BZW2: variants seen among roughly 807,000 people sequenced by gnomAD.
BZW2 encodes the protein eIF5-mimic protein 1.
In BZW2, 23 loss-of-function variants were observed where a neutral mutation model predicts 53.2. The observed-to-expected ratio is 0.43, with a 90% CI of 0.31 to 0.61. The LOEUF is 0.61. Ranked by LOEUF, BZW2 falls within the 20% of genes least tolerant of loss-of-function variation. BZW2 has a pLI of 0.09. For synonymous variants in BZW2, 227 were observed against 186.4 expected (o/e 1.22, Z -1.77); for missense variants, 409 against 503.1 (o/e 0.81, Z 1.79).
At chr7:16,703,299 TG>T (rs1583759222) in intron 10 of BZW2, among the ~76,000 whole-genome samples, 1 of 152,318 alleles carries the variant, frequency 6.6e-6, no homozygotes, top group Admixed American at 6.5e-5. Flanking sequence ...ATAATAAACA[TG>T]TTTTTTTAAA....
At chr7:16,696,798 A>G (rs1783505647) in intron 8 of BZW2, 117 bp from the exon 9 acceptor site, 3 of 982,958 alleles carry the variant, frequency 3.1e-6, no homozygotes, top group Non-Finnish European at 4.6e-6. Flanking sequence ...AGGAAAGGAG[A>G]AGCTAAGCAG....
Position 16,666,310 on chromosome 7 carries a change from C to T in BZW2, c.58+809C>T, listed in dbSNP as rs147649093. Among the ~76,000 whole-genome samples the T allele has an allele frequency of 6.7e-3, 1,015 of 152,170 alleles. 15 individuals carry two copies. Among genetic ancestry groups the T allele is most frequent in the African/African-American group, 0.023 (974 of 41,508 alleles). On this transcript the variant is annotated intron_variant, in intron 2 of 11. Transcript: ENST00000258761. ...AGACAGGGTCTCAAACTCCTGGCCT[C>T]AAGCAGTCCTCCTCCCTTGGCCTCC...
intron 1 of BZW2, among the ~76,000 whole-genome samples, chr7:16,659,449 T>C (rs186931371): frequency 1.3e-5 from 2 of 152,292 alleles, no homozygotes; most frequent in Admixed American, 1.3e-4. Flanking sequence ...GCTTAGAGTG[T>C]CAATAATTTA....
At chr7:16,681,490 A>G in intron 4 of BZW2, 86 bp downstream of exon 4, 2 of 1,090,760 alleles carry the variant, frequency 1.8e-6, no homozygotes, top group Non-Finnish European at 2.7e-6. Flanking sequence ...CTTTTTAAAT[A>G]GGAATCTTAG....
At chr7:16,680,462 T>G (rs1011756655) in intron 3 of BZW2, among the ~76,000 whole-genome samples, 1 of 152,090 alleles carries the variant, frequency 6.6e-6, no homozygotes, top group East Asian at 1.9e-4. Flanking sequence ...TGAAGTACAC[T>G]ATGGTGGGAG....
At chr7:16,657,647 C>G (rs1244939494) in intron 1 of BZW2, among the ~76,000 whole-genome samples, 1 of 151,950 alleles carries the variant, frequency 6.6e-6, no homozygotes, top group African/African-American at 2.4e-5. Flanking sequence ...TCTAACTGTA[C>G]TTTTGGTTTG....
chr7:16,667,879 C>T (rs148612431), intron 2 of BZW2, among the ~76,000 whole-genome samples: 73 of 152,188 alleles, frequency 4.8e-4, no homozygotes, highest in African/African-American at 1.8e-3. Context: ...ACAAATTGTG[C>T]CCCACTACAT....
At chr7:16,690,696 A>C (rs1783274349) in intron 7 of BZW2, among the ~76,000 whole-genome samples, 1 of 152,254 alleles carries the variant, frequency 6.6e-6, no homozygotes, top group Admixed American at 6.5e-5. Context: ...AAGCTGTTGC[A>C]GAAATTAAAC....
intron 1 of BZW2, among the ~76,000 whole-genome samples, chr7:16,652,504 A>G (rs1251473497): frequency 6.6e-6 from 1 of 152,060 alleles, no homozygotes; most frequent in Non-Finnish European, 1.5e-5. Flanking sequence ...TAAATGAATG[A>G]TTCTCTGTAG....
intron 2 of BZW2, among the ~76,000 whole-genome samples, chr7:16,666,187 T>G (rs1782420530): frequency 6.6e-6 from 1 of 152,028 alleles, no homozygotes; most frequent in South Asian, 2.1e-4. Context: ...CTCAAACACC[T>G]GGGCTCAAGT....
In BZW2 at chr7:16,665,467, G is replaced by A. The variant is rs142411907; in HGVS notation, c.24G>A (p.Val8=). Residue 8 remains valine, a synonymous_variant, in exon 2 of 12, where the codon GTG becomes GTA. Transcript: ENST00000258761. ...TTATGAATAAGCATCAGAAGCCAGT[G>A]CTAACAGGCCAGCGGTTCAAAACTC... MNKHQKP[V]LTGQRFKTRK... 2 of 1,614,082 alleles carry A rather than the reference G, an allele frequency of 1.2e-6. No individual in the cohort carries two copies. The highest frequency in any genetic ancestry group is 4.5e-5 in the East Asian group (2 of 44,870).
intron 7 of BZW2, among the ~76,000 whole-genome samples, chr7:16,690,315 C>T (rs1783260960): frequency 6.6e-6 from 1 of 152,012 alleles, no homozygotes; most frequent in Non-Finnish European, 1.5e-5. Flanking sequence ...AATTCTCCTG[C>T]CTCAGCCTCC....
chr7:16,687,857 C>G (rs535856755), intron 6 of BZW2, among the ~76,000 whole-genome samples: 9 of 152,106 alleles, frequency 5.9e-5, no homozygotes, highest in Non-Finnish European at 1.2e-4. Context: ...GTTTTAGGCT[C>G]CTAGTTTCAA....
intron 2 of BZW2, among the ~76,000 whole-genome samples, chr7:16,667,279 CA>C (rs748681228): frequency 0.056 from 3,393 of 60,226 alleles, 85 homozygotes; most frequent in African/African-American, 0.16. Flanking sequence ...AGCTCCATCT[CA>C]AAAAAAAAAA....
At chr7:16,648,593 T>A (rs1410243443) in intron 1 of BZW2, among the ~76,000 whole-genome samples, 1 of 152,202 alleles carries the variant, frequency 6.6e-6, no homozygotes, top group East Asian at 1.9e-4. Flanking sequence ...TGAGCACCCA[T>A]CATTCTTTGA....
chr7:16,704,474 C>T (rs1019623795), intron 10 of BZW2, 73 bp from the exon 11 acceptor site: 68 of 1,371,494 alleles, frequency 5.0e-5, no homozygotes, highest in Non-Finnish European at 6.5e-5. Context: ...TTCTATTAAA[C>T]TGTAATACAT....
intron 1 of BZW2, among the ~76,000 whole-genome samples, chr7:16,664,183 A>G (rs1255761305): frequency 1.3e-5 from 2 of 152,252 alleles, no homozygotes; most frequent in East Asian, 3.8e-4. Context: ...ACTTTGCTCA[A>G]TATAAAAGAT....
At chr7:16,665,038 G>A (rs1192757841) in intron 1 of BZW2, among the ~76,000 whole-genome samples, 2 of 152,122 alleles carry the variant, frequency 1.3e-5, no homozygotes, top group South Asian at 2.1e-4. Context: ...TATGCCGGGC[G>A]CCGTGGCTCA....
intron 6 of BZW2, among the ~76,000 whole-genome samples, chr7:16,687,929 T>C (rs541235180): frequency 6.6e-6 from 1 of 152,314 alleles, no homozygotes; most frequent in East Asian, 1.9e-4. Context: ...AATTTTATAT[T>C]GGTTTTATGA....
Sources: allele counts gnomAD v4.1 joint callset (sites outside exome capture counted in the v4.1 genomes callset), GRCh38; gene constraint gnomAD v4.1.1; transcripts MANE v1.5; gene names NCBI Gene and HGNC (gene_info 2026-07-23, HGNC 2026-07-21).